The following PCMTD2 variants were observed in gnomAD, a reference collection of about 807,000 sequenced individuals.
The protein encoded by PCMTD2 is protein-L-isoaspartate (D-aspartate) O-methyltransferase domain containing 2, also known as protein-L-isoaspartate O-methyltransferase domain-containing protein 2.
In PCMTD2, 16 loss-of-function variants were observed where a neutral mutation model predicts 33.4. The observed-to-expected ratio is 0.48, with a 90% CI of 0.32 to 0.73. PCMTD2 has a LOEUF of 0.73. Ranked by LOEUF, PCMTD2 falls within the 30% of genes least tolerant of loss-of-function variation. PCMTD2 has a pLI of 0.03. For missense variants in PCMTD2, 374 were observed against 449.9 expected, an observed-to-expected ratio of 0.83 and a Z score of 1.53; for synonymous variants, 161 against 160.8, an observed-to-expected ratio of 1.00 and a Z score of -0.01.
Position 64,268,585 on chromosome 20 carries a change from T to C in PCMTD2, c.706+575T>C, listed in dbSNP as rs374772542. The stretch of plus-strand genomic sequence containing the variant: ...ACGACAGCAAAACCTCCTAATGTTT[T>C]AAAATTTAAACGGCTCACACAGAAA... On this transcript the variant is annotated intron_variant, in intron 5 of 5. Transcript: ENST00000308824. Among the ~76,000 whole-genome samples the C allele has an allele frequency of 7.2e-5, 11 of 152,338 alleles. No homozygotes were observed. The East Asian group carries it at 1.9e-3, about 27-fold the overall frequency.
Position 64,265,262 on chromosome 20 carries a change from G to C in PCMTD2, c.415G>C (p.Asp139His). Residue 139 changes from aspartate to histidine, a missense_variant, in exon 4 of 6, where the codon GAC becomes CAC. Asp to His is a moderately conservative substitution (Grantham distance 81, BLOSUM62 -1). Transcript: ENST00000308824. ...IRTSDSFDKFDFCEPSFVTGN... is the reference protein window; with the variant it reads ...IRTSDSFDKFHFCEPSFVTGN... ...GGAAGCATTTTTTACTTCCAGGTTT[G>C]ACTTCTGTGAACCTTCCTTTGTTAC... 1 of 1,596,126 alleles carries C rather than the reference G, an allele frequency of 6.3e-7. No individual in the cohort carries two copies. The highest frequency in any genetic ancestry group is 8.5e-7 in the Non-Finnish European group (1 of 1,171,966).
intron 2 of PCMTD2, chr20:64,262,608 G>C (rs1253410927): frequency 6.6e-6 from 1 of 152,404 alleles, no homozygotes; most frequent in African/African-American, 2.4e-5. Flanking sequence ...CCCGGCGCCT[G>C]TGGATGTGGG....
chr20:64,258,919 TAAG>T (rs1025185414), intron 1 of PCMTD2: 3 of 152,366 alleles, frequency 2.0e-5, no homozygotes, highest in African/African-American at 7.2e-5. Context: ...TTTGTAGTTT[TAAG>T]AAGAGTAAGA....
intron 5 of PCMTD2, among the ~76,000 whole-genome samples, chr20:64,270,505 G>A (rs1985869407): frequency 6.7e-6 from 1 of 149,846 alleles, no homozygotes; most frequent in Non-Finnish European, 1.5e-5. Context: ...GCAGTCGTGA[G>A]TTCCGGCGTG....
chr20:64,270,033 G>A (rs1047843658), intron 5 of PCMTD2, among the ~76,000 whole-genome samples: 1 of 149,954 alleles, frequency 6.7e-6, no homozygotes. Flanking sequence ...CACGGTATGG[G>A]GTTGTGTGAG....
At chr20:64,261,193 C>T (rs1275488512) in intron 2 of PCMTD2, among the ~76,000 whole-genome samples, 1 of 151,788 alleles carries the variant, frequency 6.6e-6, no homozygotes, top group Non-Finnish European at 1.5e-5. Flanking sequence ...CTGTGAGGGG[C>T]GGGGAAGGCA....
At chr20:64,256,407 T>C (rs1985170358) in intron 1 of PCMTD2, among the ~76,000 whole-genome samples, 1 of 152,202 alleles carries the variant, frequency 6.6e-6, no homozygotes, top group Non-Finnish European at 1.5e-5. Flanking sequence ...GCCTTTGTTT[T>C]GTTTTTGTGA....
At chr20:64,269,268 G>T (rs941610446) in intron 5 of PCMTD2, among the ~76,000 whole-genome samples, 2 of 152,218 alleles carry the variant, frequency 1.3e-5, no homozygotes, top group Non-Finnish European at 2.9e-5. Flanking sequence ...GCCGCCCTTG[G>T]CGGGGAGGGC....
chr20:64,264,302 T>G, intron 2 of PCMTD2, 127 bp from the exon 3 acceptor site: 2 of 613,440 alleles, frequency 3.3e-6, no homozygotes, highest in Non-Finnish European at 5.9e-6. Context: ...GTGATGAGAC[T>G]TCAAAACTTT....
chr20:64,261,432 T>A (rs1985410923), intron 2 of PCMTD2, among the ~76,000 whole-genome samples: 1 of 152,160 alleles, frequency 6.6e-6, no homozygotes, highest in Non-Finnish European at 1.5e-5. Context: ...GAATGTGGCT[T>A]GGCTTGGTGG....
Position 64,273,504 on chromosome 20 carries a change from G to A in PCMTD2, c.990G>A (p.Lys330=). The part of the protein sequence containing the change: ...EEEEKTPPET[K]PDPPVNFLRQ... ...AAGAGAAGACCCCGCCGGAAACAAA[G>A]CCAGACCCCCCAGTGAACTTCCTAC... The change falls in exon 6 of 6, where the codon AAG becomes AAA. Residue 330 remains lysine, a synonymous_variant. Coordinates refer to ENST00000308824, the MANE Select transcript of PCMTD2 (RefSeq NM_018257.3). 3.7e-6 allele frequency: 6 copies of A among 1,605,126 alleles called. No individual in the cohort carries two copies. The highest frequency in any genetic ancestry group is 5.1e-6 in the Non-Finnish European group (6 of 1,176,858).
At chr20:64,262,019 G>A (rs1178832399) in intron 2 of PCMTD2, among the ~76,000 whole-genome samples, 1 of 152,168 alleles carries the variant, frequency 6.6e-6, no homozygotes, top group African/African-American at 2.4e-5. Flanking sequence ...TTGGGAGGCC[G>A]AGGCAGGCAG....
At chr20:64,268,245 A>G (rs555271455) in intron 5 of PCMTD2, among the ~76,000 whole-genome samples, 50 of 136,668 alleles carry the variant, frequency 3.7e-4, no homozygotes, top group African/African-American at 1.3e-3. Flanking sequence ...TGCCGGTCAC[A>G]CCATTGAAAG....
In PCMTD2 at chr20:64,273,214, G is replaced by A. The variant is rs58399017; in HGVS notation, c.707-7G>A. ...ATTTGACTGTGTCTCACTCTTCTGT[G>A]CTGCAGCACCAGTGGCAGTTCGCAG... On this transcript the variant is annotated splice_polypyrimidine_tract_variant and splice_region_variant and intron_variant, in intron 5 of 5. Transcript: ENST00000308824. 0.013 allele frequency: 21,217 copies of A among 1,610,602 alleles called. 1,406 individuals carry two copies. The African/African-American group carries it at 0.19, about 14-fold the overall frequency.
At chr20:64,268,812 G>A (rs967392638) in intron 5 of PCMTD2, among the ~76,000 whole-genome samples, 24 of 152,038 alleles carry the variant, frequency 1.6e-4, no homozygotes, top group African/African-American at 5.6e-4. Flanking sequence ...AATCACCTAT[G>A]AAATGATTAC....
At position 64,259,922 on chromosome 20, in the gene PCMTD2, T is replaced by G. The variant is rs1985330145; in HGVS notation, c.-24-20T>G. On this transcript the variant is annotated intron_variant, in intron 1 of 5. Coordinates refer to ENST00000308824, the MANE Select transcript of PCMTD2 (RefSeq NM_018257.3). ...TTACCTTTAACATAAATCGCTCTTTTTAAACATTTTTAATTATAGTATTGC... is the reference window on the plus strand; with the variant it reads ...TTACCTTTAACATAAATCGCTCTTTGTAAACATTTTTAATTATAGTATTGC... 2 of 1,321,098 alleles carry G rather than the reference T, an allele frequency of 1.5e-6. No individual in the cohort carries two copies. The highest frequency in any genetic ancestry group is 1.9e-5 in the Admixed American group (1 of 53,824). The allele number at this position is 1,321,098 out of a possible 1,614,324, so 81.8% of individuals were successfully genotyped here. A position where few individuals can be genotyped will look rare whatever the true frequency, so the allele number is the denominator to read the frequency against.
intron 2 of PCMTD2, among the ~76,000 whole-genome samples, chr20:64,261,597 AT>A (rs898636763): frequency 3.4e-5 from 4 of 118,228 alleles, no homozygotes; most frequent in African/African-American, 1.4e-4. Flanking sequence ...TGGAATGATA[AT>A]TTTGTTTTTT....
At chr20:64,270,120 G>A (rs142444312) in intron 5 of PCMTD2, among the ~76,000 whole-genome samples, 4 of 142,362 alleles carry the variant, frequency 2.8e-5, no homozygotes, top group African/African-American at 7.9e-5. Flanking sequence ...GTATGGGGTC[G>A]TGTGAGTGCA....
intron 2 of PCMTD2, 123 bp from the exon 3 acceptor site, chr20:64,264,306 A>G: frequency 1.6e-6 from 1 of 617,038 alleles, no homozygotes; most frequent in Non-Finnish European, 2.9e-6. Context: ...TGAGACTTCA[A>G]AACTTTGTGA....
Sources: gnomAD v4.1 joint callset for allele counts (sites outside exome capture counted in the v4.1 genomes callset) on GRCh38, gnomAD v4.1.1 for gene constraint, MANE v1.5 for transcripts, NCBI Gene and HGNC (gene_info 2026-07-23, HGNC 2026-07-21) for gene names.